Variants in MYO16 observed in about 807,000 individuals in gnomAD.
MYO16 encodes myosin XVI, also known as unconventional myosin-XVI.
In MYO16, 94 loss-of-function variants were observed where a neutral mutation model predicts 205.3. The observed-to-expected ratio is 0.46, with a 90% CI of 0.39 to 0.54. The LOEUF (loss-of-function observed/expected upper bound fraction) is 0.54, where lower values mean the gene tolerates loss of function less well. MYO16 is among the 20% of genes least tolerant of loss of function. The pLI, the probability that MYO16 is intolerant of heterozygous loss-of-function variation, is 0.00. For missense variants in MYO16, 2,315 were observed against 2,387.5 expected, an observed-to-expected ratio of 0.97 and a Z score of 0.63; for synonymous variants, 988 against 954.0, an observed-to-expected ratio of 1.04 and a Z score of -0.66.
At chr13:108,799,007 C>G (rs1227547691) in intron 6 of MYO16, among the ~76,000 whole-genome samples, 2 of 152,142 alleles carry the variant, frequency 1.3e-5, no homozygotes, top group African/African-American at 4.8e-5. Context: ...GCCCGGCCCC[C>G]GAGGCTTATT....
At position 108,967,080 on chromosome 13, in the gene MYO16, G is replaced by A. The variant is rs1363295394; in HGVS notation, c.2369+2178G>A. 2.6e-5 allele frequency among the ~76,000 whole-genome samples: 4 copies of A among 151,684 alleles called. No individual in the cohort carries two copies. The East Asian group carries it at 5.8e-4, about 22-fold the overall frequency. ...TATATACACACAGTAAATATACCTT[G>A]CGATAGAATAGACATACTTTTCATC... On this transcript the variant is annotated intron_variant, in intron 20 of 34. Coordinates refer to ENST00000457511, the MANE Select transcript of MYO16 (RefSeq NM_001198950.3).
intron 20 of MYO16, among the ~76,000 whole-genome samples, chr13:108,968,680 T>C (rs1883893591): frequency 6.6e-6 from 1 of 152,054 alleles, no homozygotes; most frequent in African/African-American, 2.4e-5. Context: ...AATAGCAATT[T>C]GATGAGTGAC....
intron 23 of MYO16, among the ~76,000 whole-genome samples, chr13:109,022,096 A>G (rs117706863): frequency 0.072 from 10,465 of 145,472 alleles, 487 homozygotes; most frequent in Non-Finnish European, 0.093. Flanking sequence ...TATAATATAT[A>G]CATATAAAAC....
intron 32 of MYO16, among the ~76,000 whole-genome samples, chr13:109,143,829 A>G (rs919510426): frequency 6.6e-6 from 1 of 152,204 alleles, no homozygotes; most frequent in African/African-American, 2.4e-5. Flanking sequence ...CTGAAATCCA[A>G]TCATTTGAAA....
At chr13:108,716,458 C>A (rs1883948706) in intron 3 of MYO16, among the ~76,000 whole-genome samples, 1 of 152,200 alleles carries the variant, frequency 6.6e-6, no homozygotes, top group Non-Finnish European at 1.5e-5. Context: ...GATAAGGAAA[C>A]CTCGTGGCAG....
At chr13:108,510,012 T>C in the MYO16 span, among the ~76,000 whole-genome samples, 420 of 152,338 alleles carry the variant, frequency 2.8e-3, 2 homozygotes, top group African/African-American at 8.8e-3. Flanking sequence ...AAAGCCATGG[T>C]CAAGTAACAC....
chr13:109,079,330 G>A (rs1888210759), intron 27 of MYO16, among the ~76,000 whole-genome samples: 1 of 151,896 alleles, frequency 6.6e-6, no homozygotes, highest in South Asian at 2.1e-4. Flanking sequence ...CTCCATCATG[G>A]CTGCAAGCAG....
intron 34 of MYO16, among the ~76,000 whole-genome samples, chr13:109,191,054 A>G (rs1042942872): frequency 7.9e-5 from 12 of 152,082 alleles, no homozygotes; most frequent in African/African-American, 2.4e-4. Context: ...CCCTGCCTCT[A>G]CTAAAAATAC....
the MYO16 span, among the ~76,000 whole-genome samples, chr13:108,552,371 A>G: frequency 6.6e-6 from 1 of 151,940 alleles, no homozygotes; most frequent in South Asian, 2.1e-4. Context: ...GTCTATAAAC[A>G]TTTCTCTTTT....
At chr13:108,999,248 A>T (rs1406060968) in intron 21 of MYO16, among the ~76,000 whole-genome samples, 1 of 152,236 alleles carries the variant, frequency 6.6e-6, no homozygotes, top group Non-Finnish European at 1.5e-5. Context: ...TATTATTTTC[A>T]GTTGTTTCAC....
At chr13:109,044,228 C>G (rs1886969450) in intron 23 of MYO16, among the ~76,000 whole-genome samples, 1 of 151,956 alleles carries the variant, frequency 6.6e-6, no homozygotes, top group African/African-American at 2.4e-5. Flanking sequence ...TGAAAGAAGT[C>G]AAAATAGGCC....
At chr13:109,076,104 C>T (rs1220539076) in intron 27 of MYO16, among the ~76,000 whole-genome samples, 1 of 152,120 alleles carries the variant, frequency 6.6e-6, no homozygotes, top group Non-Finnish European at 1.5e-5. Context: ...TGCAGGGTCT[C>T]CAGTGACAGC....
At chr13:109,070,639 A>C (rs1030809606) in intron 27 of MYO16, among the ~76,000 whole-genome samples, 2 of 152,178 alleles carry the variant, frequency 1.3e-5, no homozygotes, top group East Asian at 3.8e-4. Context: ...CTTTCTCCCC[A>C]AAAAAGCACC....
chr13:108,745,951 G>C (rs1163806300), intron 4 of MYO16, among the ~76,000 whole-genome samples: 1 of 152,142 alleles, frequency 6.6e-6, no homozygotes, highest in East Asian at 1.9e-4. Context: ...ACTTTGGGAG[G>C]CCGAGGCGGG....
At chr13:108,533,790 A>G in the MYO16 span, among the ~76,000 whole-genome samples, 1 of 152,246 alleles carries the variant, frequency 6.6e-6, no homozygotes, top group Non-Finnish European at 1.5e-5. Context: ...CTATTATTAA[A>G]TGAATTAAAA....
rs78675410 is a variant in MYO16 at position 108,828,464 on chromosome 13, T to C, written c.1097+5186T>C. 3.0e-3 allele frequency among the ~76,000 whole-genome samples: 450 copies of C among 152,206 alleles called. 1 individual carries two copies. Among genetic ancestry groups the C allele is most frequent in the South Asian group, 0.024 (115 of 4,816 alleles). On this transcript the variant is annotated intron_variant, in intron 9 of 34. Transcript: ENST00000457511. Reference sequence around the variant, plus strand: ...GACATTTTTACTGAAGTACAAAATGTGGGTGTTGTTTTGTAAAGAATCTGG... The same window carrying C: ...GACATTTTTACTGAAGTACAAAATGCGGGTGTTGTTTTGTAAAGAATCTGG...
chr13:108,665,183 T>G (rs2139431540), intron 1 of MYO16, among the ~76,000 whole-genome samples: 1 of 152,282 alleles, frequency 6.6e-6, no homozygotes, highest in African/African-American at 2.4e-5. Flanking sequence ...ACTCCTGGGC[T>G]TATGCGATCC....
In MYO16 at chr13:109,055,626, C is replaced by T. The variant is rs1460554443; in HGVS notation, c.3335+31C>T. The stretch of plus-strand genomic sequence containing the variant: ...TTCTTCTGCTCTTAAAATCGTCGTT[C>T]TCGCTGCTGTTCAGTGCAGTGTACT... On this transcript the variant is annotated intron_variant, in intron 27 of 34. Coordinates refer to ENST00000457511, the MANE Select transcript of MYO16 (RefSeq NM_001198950.3). The surrounding 1 kb of genome is among the most constrained non-coding windows in gnomAD (Gnocchi z 5.0). The T allele has an allele frequency of 1.1e-5, 17 of 1,573,622 alleles. No individual in the cohort carries two copies. In the South Asian group the frequency reaches 1.3e-4, roughly 12 times the overall value.
At chr13:108,997,262 C>G (rs1428162508) in intron 21 of MYO16, among the ~76,000 whole-genome samples, 1 of 150,574 alleles carries the variant, frequency 6.6e-6, no homozygotes, top group Non-Finnish European at 1.5e-5. Context: ...CTACTGCACT[C>G]CCATCTGGGT....
Sources: gnomAD v4.1 joint callset for allele counts (sites outside exome capture counted in the v4.1 genomes callset) on GRCh38, gnomAD v4.1.1 for gene constraint, Gnocchi (gnomAD v3.1) non-coding constraint, MANE v1.5 for transcripts, NCBI Gene and HGNC (gene_info 2026-07-23, HGNC 2026-07-21) for gene names.